TBC1D22A: variants seen among roughly 807,000 people sequenced by gnomAD.
TBC1D22A encodes putative GTPase activator.
In TBC1D22A, 38 loss-of-function variants were observed where a neutral mutation model predicts 60.2. The observed-to-expected ratio is 0.63, with a 90% confidence interval of 0.49 to 0.83. The LOEUF is 0.83. Ranked by LOEUF, TBC1D22A falls within the 40% of genes least tolerant of loss-of-function variation. TBC1D22A has a pLI of 0.00. For missense variants in TBC1D22A, 628 were observed against 701.0 expected (o/e 0.90, Z 1.18); for synonymous variants, 302 against 281.7 (o/e 1.07, Z -0.72).
intron 8 of TBC1D22A, among the ~76,000 whole-genome samples, chr22:46,935,352 T>G (rs2071584055): frequency 6.6e-6 from 1 of 152,182 alleles, no homozygotes; most frequent in Non-Finnish European, 1.5e-5. Flanking sequence ...AAAATGGGAA[T>G]TCTTGTTAAA....
At chr22:47,086,992 G>C (rs1202271979) in intron 11 of TBC1D22A, among the ~76,000 whole-genome samples, 1 of 152,184 alleles carries the variant, frequency 6.6e-6, no homozygotes, top group Non-Finnish European at 1.5e-5. Context: ...CTGCCACCCC[G>C]CAACTGGAGT....
At chr22:47,098,053 C>T (rs927534395) in intron 11 of TBC1D22A, among the ~76,000 whole-genome samples, 8 of 148,862 alleles carry the variant, frequency 5.4e-5, no homozygotes, top group Non-Finnish European at 8.9e-5. Context: ...ATTTACTGGA[C>T]GTAGTAAAGA....
chr22:47,162,863 CT>C, intron 12 of TBC1D22A, among the ~76,000 whole-genome samples: 1 of 152,052 alleles, frequency 6.6e-6, no homozygotes, highest in South Asian at 2.1e-4. Flanking sequence ...GGTGTAGGCA[CT>C]TCCTCGTGGT....
At chr22:47,091,890 C>T (rs1603258752) in intron 11 of TBC1D22A, among the ~76,000 whole-genome samples, 5 of 152,268 alleles carry the variant, frequency 3.3e-5, no homozygotes, top group East Asian at 3.9e-4. Flanking sequence ...TCTTAATCAC[C>T]TGTTTTGGGT....
At chr22:47,021,165 G>A (rs538821331) in intron 10 of TBC1D22A, among the ~76,000 whole-genome samples, 96 of 151,782 alleles carry the variant, frequency 6.3e-4, no homozygotes, top group African/African-American at 2.3e-3. Context: ...CTGGAGCCCT[G>A]AGCAGGGAAC....
intron 10 of TBC1D22A, among the ~76,000 whole-genome samples, chr22:47,034,998 C>T (rs955732614): frequency 6.6e-6 from 1 of 152,282 alleles, no homozygotes; most frequent in South Asian, 2.1e-4. Flanking sequence ...CCAAATGTTC[C>T]ACCTCTGAAG....
intron 4 of TBC1D22A, among the ~76,000 whole-genome samples, chr22:46,817,023 T>C (rs962001131): frequency 1.7e-4 from 26 of 152,238 alleles, no homozygotes; most frequent in African/African-American, 6.0e-4. Context: ...CATCTTGTAT[T>C]GCACAGCTTA....
intron 11 of TBC1D22A, among the ~76,000 whole-genome samples, chr22:47,052,472 G>C (rs2148447084): frequency 6.6e-6 from 1 of 152,266 alleles, no homozygotes. Flanking sequence ...CAGCCTGATG[G>C]ATGGGCCCCC....
chr22:46,871,807 G>T (rs540110674), intron 4 of TBC1D22A, among the ~76,000 whole-genome samples: 1 of 152,092 alleles, frequency 6.6e-6, no homozygotes, highest in African/African-American at 2.4e-5. Flanking sequence ...CCGAGTAAAA[G>T]AAGAGAAACA....
At chr22:46,969,318 C>A (rs1334744372) in intron 8 of TBC1D22A, among the ~76,000 whole-genome samples, 13 of 152,214 alleles carry the variant, frequency 8.5e-5, no homozygotes, top group African/African-American at 4.8e-5. Context: ...CCACTCCCCC[C>A]ACCTTGCAGG....
At chr22:47,065,656 A>C (rs5767471) in intron 11 of TBC1D22A, among the ~76,000 whole-genome samples, 17,008 of 139,216 alleles carry the variant, frequency 0.12, 2,286 homozygotes, top group East Asian at 0.26. Flanking sequence ...GGTTGGATTG[A>C]GGGAGACCTG....
At position 47,173,747 on chromosome 22, in the gene TBC1D22A, C is replaced by A; in HGVS notation, c.*121C>A. On this transcript the variant is annotated 3_prime_UTR_variant, in exon 13 of 13. Transcript: ENST00000337137. Reference sequence around the variant, plus strand: ...AAAAGGCCTTGTGAGGTGGCCCCACCCTCCAGGGGAGCTGGTGAAGATGGG... The same window carrying A: ...AAAAGGCCTTGTGAGGTGGCCCCACACTCCAGGGGAGCTGGTGAAGATGGG... 2 of 1,455,172 alleles carry A rather than the reference C, an allele frequency of 1.4e-6. No individual in the cohort carries two copies. The highest frequency in any genetic ancestry group is 1.9e-6 in the Non-Finnish European group (2 of 1,069,474). 90.1% of individuals were successfully genotyped at this position (1,455,172 alleles called of 1,614,324 possible). A position where few individuals can be genotyped will look rare whatever the true frequency, so the allele number is the denominator to read the frequency against.
chr22:47,085,260 A>G (rs1471625168), intron 11 of TBC1D22A, among the ~76,000 whole-genome samples: 1 of 152,256 alleles, frequency 6.6e-6, no homozygotes, highest in Non-Finnish European at 1.5e-5. Flanking sequence ...AGCCTGGGTG[A>G]TAGAGCAAGA....
At chr22:46,904,165 A>ATCTG (rs1397043974) in intron 7 of TBC1D22A, among the ~76,000 whole-genome samples, 4 of 144,698 alleles carry the variant, frequency 2.8e-5, no homozygotes, top group African/African-American at 1.0e-4. Context: ...CTACCTACCT[A>ATCTG]CCTACCTACC....
chr22:47,173,426 C>T (rs1233043423), intron 12 of TBC1D22A, 72 bp from the exon 13 acceptor site: 15 of 1,582,806 alleles, frequency 9.5e-6, no homozygotes, highest in African/African-American at 1.3e-5. Context: ...TCTTTCCCTC[C>T]AGTTTTCTGG....
At chr22:47,051,129 C>T (rs1470645047) in intron 11 of TBC1D22A, among the ~76,000 whole-genome samples, 2 of 152,148 alleles carry the variant, frequency 1.3e-5, no homozygotes, top group African/African-American at 2.4e-5. Context: ...GGGACCTCTC[C>T]TCCCTCGGGG....
chr22:46,783,827 T>A (rs2084045661), intron 1 of TBC1D22A, among the ~76,000 whole-genome samples: 1 of 152,146 alleles, frequency 6.6e-6, no homozygotes, highest in Non-Finnish European at 1.5e-5. Flanking sequence ...CATCTAGGTT[T>A]ATCTCAAAAA....
At chr22:46,913,019 A>G (rs1251517298) in intron 8 of TBC1D22A, among the ~76,000 whole-genome samples, 1 of 152,174 alleles carries the variant, frequency 6.6e-6, no homozygotes, top group African/African-American at 2.4e-5. Context: ...AGTATTAATT[A>G]CTTGTGAAAT....
intron 11 of TBC1D22A, among the ~76,000 whole-genome samples, chr22:47,042,432 A>AAGAGAGAG (rs2062878293): frequency 4.7e-5 from 1 of 21,488 alleles, no homozygotes; most frequent in Non-Finnish European, 7.3e-5. Context: ...AAGAGAGAGG[A>AAGAGAGAG]GAGAGAGAGA....
Sources: gnomAD v4.1 joint callset for allele counts (sites outside exome capture counted in the v4.1 genomes callset) on GRCh38, gnomAD v4.1.1 for gene constraint, MANE v1.5 for transcripts, NCBI Gene and HGNC (gene_info 2026-07-23, HGNC 2026-07-21) for gene names.